The following TUBGCP6 variants were observed in gnomAD, a reference collection of about 807,000 sequenced individuals.
The protein encoded by TUBGCP6 is tubulin gamma complex component 6, also known as gamma-tubulin complex component 6.
Under a neutral mutation model 175.8 loss-of-function variants are expected in TUBGCP6, and 161 were observed. The ratio of observed to expected loss-of-function variants is 0.92; its 90% CI spans 0.81 to 1.04. The LOEUF is 1.04. TUBGCP6 is among the 50% of genes least tolerant of loss of function. The probability of loss-of-function intolerance (pLI) is 0.00; values close to 1 mark genes in which losing one functional copy is unlikely to be tolerated. For missense variants in TUBGCP6, 2,572 were observed against 2,433.0 expected (o/e 1.06, Z -1.20); for synonymous variants, 1,173 against 1,030.5 (o/e 1.14, Z -2.65).
At chr22:50,241,391 G>C (rs2064837321) in intron 1 of TUBGCP6, among the ~76,000 whole-genome samples, 1 of 152,118 alleles carries the variant, frequency 6.6e-6, no homozygotes, top group Non-Finnish European at 1.5e-5. Context: ...CCACTACTTA[G>C]CAGACCAGGA....
Position 50,221,066 on chromosome 22 carries a change from G to A in TUBGCP6, c.3293C>T (p.Ala1098Val). 2.5e-6 allele frequency: 4 copies of A among 1,612,812 alleles called. No individual in the cohort carries two copies. Among genetic ancestry groups the A allele is most frequent in the Non-Finnish European group, 3.4e-6 (4 of 1,179,704 alleles). The stretch of plus-strand genomic sequence containing the variant: ...GATGTTCCACCGTGGCCGAGTGGGA[G>A]CCACATCTGACACAGACTCCCCTAA... Reference protein sequence around the residue: ...ISLGESVSDVAPTRPRWNIHG... With the variant: ...ISLGESVSDVVPTRPRWNIHG... Residue 1098 changes from alanine (A) to valine (V), a missense_variant, in exon 16 of 25, where the codon GCT (alanine) becomes GTT (valine). Physicochemically the swap from Ala to Val is moderately conservative, Grantham distance 64. Coordinates refer to ENST00000248846, the MANE Select transcript of TUBGCP6 (RefSeq NM_020461.4).
At position 50,219,378 on chromosome 22, in the gene TUBGCP6, G is replaced by T; in HGVS notation, c.4394C>A (p.Ser1465Tyr). 1 of 1,580,362 alleles carries T rather than the reference G, an allele frequency of 6.3e-7. No individual in the cohort carries two copies. Residue 1465 changes from serine to tyrosine, a missense_variant, in exon 19 of 25, where the codon TCT (serine) becomes TAT (tyrosine). By Grantham distance (144) the Ser-to-Tyr change is moderately radical. Coordinates refer to ENST00000248846, the MANE Select transcript of TUBGCP6 (RefSeq NM_020461.4). ...FAFPVDPQVQ[S>Y]AADETAVQLS... ...CTGCACAGCAGTCTCATCAGCGGCA[G>T]ACTGGACCTGGGGGTCCACGGGGAA... is the stretch of plus-strand genomic sequence containing the variant.
intron 2 of TUBGCP6, among the ~76,000 whole-genome samples, chr22:50,234,666 CGTCCACAGCAGCATCTACACCCAG>C (rs1294585961): frequency 3.6e-4 from 50 of 137,574 alleles, no homozygotes; most frequent in Non-Finnish European, 5.8e-4. Context: ...CCCACACCCC[CGTCCACAGCAGCATCTACACCCAG>C]GTCCACAGCA....
chr22:50,220,413 C>A lies in TUBGCP6; in HGVS notation c.3946G>T (p.Asp1316Tyr). 6.2e-7 allele frequency: 1 copy of A among 1,604,156 alleles called. No homozygotes were observed. Among genetic ancestry groups the A allele is most frequent in the Admixed American group, 1.7e-5 (1 of 59,608 alleles). The change falls in exon 16 of 25, where the codon GAC becomes TAC. Residue 1316 changes from aspartate (D) to tyrosine (Y), a missense_variant. Transcript: ENST00000248846. ...TCTACAGGCAGCCGTGGCCCACAGT[C>A]CAGCACAGTGCTCTGTGCTCCCAGG... ...LSLGAQSTVLDCGPRLPVEVG... is the reference protein window; with the variant it reads ...LSLGAQSTVLYCGPRLPVEVG...
At position 50,226,659 on chromosome 22, in the gene TUBGCP6, T is replaced by C. The variant is rs562115103; in HGVS notation, c.1601+74A>G. 33 of 1,304,002 alleles carry C rather than the reference T, an allele frequency of 2.5e-5. No individual in the cohort carries two copies. The African/African-American group carries it at 3.2e-4, about 13-fold the overall frequency. The allele number at this position is 1,304,002 out of a possible 1,614,324, so 80.8% of individuals were successfully genotyped here. On this transcript the variant is annotated intron_variant, in intron 7 of 24. Transcript: ENST00000248846. ...GTGACCCCCACATTCAGCAGGTGTCTGACAAGGGACCGCTCTCAAGTGTCT... is the reference window on the plus strand; with the variant it reads ...GTGACCCCCACATTCAGCAGGTGTCCGACAAGGGACCGCTCTCAAGTGTCT...
rs374330080 is a variant in TUBGCP6, at chr22:50,218,481, G to A, written c.4954+7C>T. The A allele has an allele frequency of 9.3e-6, 15 of 1,613,242 alleles. No individual in the cohort carries two copies. The highest frequency in any genetic ancestry group is 2.2e-5 in the South Asian group (2 of 91,088). On this transcript the variant is annotated splice_region_variant and intron_variant, in intron 22 of 24. Transcript: ENST00000248846. ...GTGCGGGGCGCCGGGCTCCAGCGGG[G>A]CCTCACCTGTGCGCTTGAGGTGGAA...
At position 50,217,907 on chromosome 22, in the gene TUBGCP6, G is replaced by A; in HGVS notation, c.5368+11C>T. On this transcript the variant is annotated intron_variant, in intron 24 of 24. Coordinates refer to ENST00000248846, the MANE Select transcript of TUBGCP6 (RefSeq NM_020461.4). The stretch of plus-strand genomic sequence containing the variant: ...CCCCCCCGCAGCCCTCCCAGCCAGG[G>A]TGGGCCTCACCTTTGAAGAGAAAGT... The A allele has an allele frequency of 6.2e-7, 1 of 1,606,356 alleles. No homozygotes were observed. Among genetic ancestry groups the A allele is most frequent in the South Asian group, 1.1e-5 (1 of 90,628 alleles).
rs765277363 is a variant in TUBGCP6 at position 50,217,966 on chromosome 22, G to C, written c.5320C>G (p.Gln1774Glu). The change falls in exon 24 of 25, where the codon CAG (glutamine) becomes GAG (glutamate). Residue 1774 changes from glutamine to glutamate, a missense_variant. By Grantham distance (29) the Gln-to-Glu change is conservative. Coordinates refer to ENST00000248846, the MANE Select transcript of TUBGCP6 (RefSeq NM_020461.4). Reference sequence around the variant, plus strand: ...TACTTGAAGGTGTTGTAGGACTGCTGCATGAGTGCAAAGTTGGGGTGCTCT... The same window carrying C: ...TACTTGAAGGTGTTGTAGGACTGCTCCATGAGTGCAAAGTTGGGGTGCTCT... The part of the protein sequence containing the change: ...GAEHPNFALM[Q>E]QSYNTFKYYS... 3.1e-6 allele frequency: 5 copies of C among 1,610,770 alleles called. No individual in the cohort carries two copies. The highest frequency in any genetic ancestry group is 2.5e-6 in the Non-Finnish European group (3 of 1,178,808).
At chr22:50,222,830 A>G (rs1259404328) in intron 13 of TUBGCP6, among the ~76,000 whole-genome samples, 1 of 152,266 alleles carries the variant, frequency 6.6e-6, no homozygotes, top group African/African-American at 2.4e-5. Flanking sequence ...GCCAGGGCTC[A>G]GCAACATCTG....
rs762939715 is a variant in TUBGCP6, at chr22:50,218,080, C to G, written c.5206G>C (p.Val1736Leu). Residue 1736 changes from valine (V) to leucine (L), a missense_variant, in exon 24 of 25, where the codon GTC (valine) becomes CTC (leucine). Val to Leu is a conservative substitution (Grantham distance 32). Coordinates refer to ENST00000248846, the MANE Select transcript of TUBGCP6 (RefSeq NM_020461.4). ...ACGAGGCTGAAGATGCTGTGGATGA[C>G]GTTCATGACGGGCGCCGCCTTCTCC... ...LTEKAAPVMN[V>L]IHSIFSLVLK... is the part of the protein sequence containing the mutation. The G allele has an allele frequency of 1.9e-6, 3 of 1,613,184 alleles. No individual in the cohort carries two copies. Among genetic ancestry groups the G allele is most frequent in the Admixed American group, 3.3e-5 (2 of 60,008 alleles).
chr22:50,234,427 T>C (rs1601601314), intron 2 of TUBGCP6, among the ~76,000 whole-genome samples: 1 of 114,066 alleles, frequency 8.8e-6, no homozygotes. Flanking sequence ...CACACCCAAG[T>C]CCACGGCAGC....
chr22:50,240,431 T>C, intron 1 of TUBGCP6, 64 bp from the exon 2 acceptor site: 3 of 1,592,324 alleles, frequency 1.9e-6, no homozygotes, highest in African/African-American at 1.3e-5. Context: ...CCAAGGGCGA[T>C]GAGAATTTCA....
Position 50,219,736 on chromosome 22 carries a change from G to T in TUBGCP6, c.4223C>A (p.Ala1408Glu). The T allele has an allele frequency of 6.2e-7, 1 of 1,613,784 alleles. No homozygotes were observed. Among genetic ancestry groups the T allele is most frequent in the Non-Finnish European group, 8.5e-7 (1 of 1,180,006 alleles). Residue 1408 changes from alanine to glutamate, a missense_variant, in exon 18 of 25, where the codon GCG (alanine) becomes GAG (glutamate). Ala to Glu is a moderately radical substitution (Grantham distance 107). Transcript: ENST00000248846. ...CTGCTCCCCACCCTGAGCCTCCGCCGCCGATGCCTCCGCCTCCTCACCACG... is the reference window on the plus strand; with the variant it reads ...CTGCTCCCCACCCTGAGCCTCCGCCTCCGATGCCTCCGCCTCCTCACCACG... Reference protein sequence around the residue: ...PGRGEEAEASAAEAQGGEQAY... With the variant: ...PGRGEEAEASEAEAQGGEQAY...
At position 50,226,354 on chromosome 22, in the gene TUBGCP6, G is replaced by C. The variant is rs747635531; in HGVS notation, c.1626C>G (p.Ser542Arg). Residue 542 changes from serine to arginine, a missense_variant, in exon 8 of 25, where the codon AGC (serine) becomes AGG (arginine). Coordinates refer to ENST00000248846, the MANE Select transcript of TUBGCP6 (RefSeq NM_020461.4). ...YTRFIHDWVYSGVFRDAYGEF... is the reference protein window; with the variant it reads ...YTRFIHDWVYRGVFRDAYGEF... ...CGCCATAAGCGTCTCTGAACACCCC[G>C]CTGTACACCCAGTCGTGGATGAACC... 1 of 1,611,952 alleles carries C rather than the reference G, an allele frequency of 6.2e-7. No individual in the cohort carries two copies. The highest frequency in any genetic ancestry group is 2.2e-5 in the East Asian group (1 of 44,838).
rs551910403 is a variant in TUBGCP6, at chr22:50,220,357, C to G, written c.4002G>C (p.Ser1334=). Residue 1334 remains serine, a synonymous_variant, in exon 16 of 25, where the codon TCG becomes TCC. Coordinates refer to ENST00000248846, the MANE Select transcript of TUBGCP6 (RefSeq NM_020461.4). ...CGCTGATGCTCCCCTCCCCGCAGCC[C>G]GAGCTGGGGGAGGACAGAGATGGCC... is the stretch of plus-strand genomic sequence containing the variant. The part of the protein sequence containing the change: ...EVGPSLSSPS[S]GCGEGSISVG... 2 of 1,557,070 alleles carry G rather than the reference C, an allele frequency of 1.3e-6. No homozygotes were observed. Among genetic ancestry groups the G allele is most frequent in the East Asian group, 4.6e-5 (2 of 43,718 alleles).
Position 50,218,735 on chromosome 22 carries a change from C to G in TUBGCP6, c.4789G>C (p.Asp1597His), listed in dbSNP as rs372126473. The G allele has an allele frequency of 1.9e-5, 30 of 1,613,884 alleles. No individual in the cohort carries two copies. Among genetic ancestry groups the G allele is most frequent in the Non-Finnish European group, 2.5e-5 (29 of 1,179,972 alleles). ...CTGAGCTCCAGGCAGCTCAGCACAT[C>G]CGGGGCGTTGGGGGCAAACACCTCG... ...LPEVFAPNAP[D>H]VLSCLELRYK... Residue 1597 changes from aspartate to histidine, a missense_variant, in exon 21 of 25, where the codon GAT becomes CAT. Asp to His is a moderately conservative substitution (Grantham distance 81, BLOSUM62 -1). Transcript: ENST00000248846.
chr22:50,239,764 A>G (rs1470533953), intron 2 of TUBGCP6, among the ~76,000 whole-genome samples: 1 of 152,210 alleles, frequency 6.6e-6, no homozygotes, highest in Admixed American at 6.5e-5. Flanking sequence ...AGGCTCCTTC[A>G]TCAGCACCCC....
intron 5 of TUBGCP6, 82 bp downstream of exon 5, chr22:50,227,825 A>G (rs944013116): frequency 1.0e-4 from 158 of 1,521,664 alleles, no homozygotes; most frequent in Non-Finnish European, 1.3e-4. Context: ...CTTGCCAGGG[A>G]GCAGGGCAAA....
chr22:50,243,647 G>C lies in TUBGCP6; in HGVS notation c.741+72C>G, dbSNP rs575852149. 3.6e-5 allele frequency: 32 copies of C among 889,438 alleles called. No homozygotes were observed. The South Asian group carries it at 5.5e-4, about 15-fold the overall frequency. The allele number at this position is 889,438 out of a possible 1,614,324, so 55.1% of individuals were successfully genotyped here. ...AAAAAAAAAAAAAGAAGAAGAAGAA[G>C]AAGAAGAAAGGTCACAGGAAGCATT... On this transcript the variant is annotated intron_variant, in intron 1 of 24. Transcript: ENST00000248846.
Sources: gnomAD v4.1 joint callset for allele counts (sites outside exome capture counted in the v4.1 genomes callset) on GRCh38, gnomAD v4.1.1 for gene constraint, MANE v1.5 for transcripts, NCBI Gene and HGNC (gene_info 2026-07-23, HGNC 2026-07-21) for gene names.